Variants in ZZEF1 observed in about 807,000 individuals in gnomAD.
ZZEF1 encodes the protein zinc finger ZZ-type and EF-hand domain containing 1.
In ZZEF1, 157 loss-of-function variants were observed where a neutral mutation model predicts 342.8. That is an observed-to-expected ratio of 0.46 (90% CI 0.40 to 0.52). The LOEUF (loss-of-function observed/expected upper bound fraction) is 0.52. ZZEF1 is among the 20% of genes least tolerant of loss of function. The probability of loss-of-function intolerance (pLI) is 0.00; values close to 1 mark genes in which losing one functional copy is unlikely to be tolerated. For synonymous variants in ZZEF1, 1,505 were observed against 1,429.1 expected (o/e 1.05, Z -1.20); for missense variants, 3,480 against 3,725.6 (o/e 0.93, Z 1.72).
intron 39 of ZZEF1, among the ~76,000 whole-genome samples, chr17:4,035,751 C>G (rs186447811): frequency 1.3e-5 from 2 of 152,286 alleles, no homozygotes; most frequent in Non-Finnish European, 2.9e-5. Flanking sequence ...CAGCCTGTTG[C>G]GGGTGAGGGT....
At chr17:4,020,017 T>G (rs984327179) in intron 45 of ZZEF1, 15 of 400,180 alleles carry the variant, frequency 3.7e-5, no homozygotes, top group Non-Finnish European at 6.2e-5. Context: ...AAATATCCTG[T>G]CAACAAAATA....
chr17:4,071,817 G>A (rs1037309070), intron 25 of ZZEF1, among the ~76,000 whole-genome samples: 30 of 152,146 alleles, frequency 2.0e-4, no homozygotes, highest in Admixed American at 3.3e-4. Flanking sequence ...TACTTGGAGC[G>A]GGGAGAAAAC....
chr17:4,027,594 C>CTT (rs35210596), intron 42 of ZZEF1, among the ~76,000 whole-genome samples: 16,814 of 119,620 alleles, frequency 0.14, 1,464 homozygotes, highest in African/African-American at 0.2. Context: ...TGTGCCCTGC[C>CTT]TTTTTTTTTT....
Position 4,143,029 on chromosome 17 carries a change from C to T in ZZEF1, c.-134G>A, listed in dbSNP as rs2058897710. The T allele has an allele frequency of 1.2e-5, 15 of 1,276,804 alleles. No homozygotes were observed. The highest frequency in any genetic ancestry group is 1.5e-5 in the Non-Finnish European group (15 of 1,016,466). The allele number at this position is 1,276,804 out of a possible 1,614,324, so 79.1% of individuals were successfully genotyped here. A position where few individuals can be genotyped will look rare whatever the true frequency, so the allele number is the denominator to read the frequency against. Reference sequence around the variant, plus strand: ...GGCGGCCCCTGCGGCTTCCGGCTTCCTGGCCGTCAAGCGACGACCGCTGTC... The same window carrying T: ...GGCGGCCCCTGCGGCTTCCGGCTTCTTGGCCGTCAAGCGACGACCGCTGTC... On this transcript the variant is annotated 5_prime_UTR_variant, in exon 1 of 55. Transcript: ENST00000381638.
intron 45 of ZZEF1, among the ~76,000 whole-genome samples, chr17:4,020,317 T>C (rs2056236297): frequency 6.6e-6 from 1 of 152,232 alleles, no homozygotes; most frequent in Non-Finnish European, 1.5e-5. Flanking sequence ...GACATCATCA[T>C]TTTCTGTATT....
chr17:4,084,768 G>A (rs1193898125), intron 16 of ZZEF1, among the ~76,000 whole-genome samples: 1 of 152,144 alleles, frequency 6.6e-6, no homozygotes, highest in Non-Finnish European at 1.5e-5. Context: ...AATGTCTGAG[G>A]AACACGAAGA....
chr17:4,074,096 A>G lies in ZZEF1; in HGVS notation c.3685+54T>C, dbSNP rs1344151074. ...ACGACCTACAAGAGGGCAAGCGCGCATCTTGCACTTCACCGTGGTTGTAAG... is the reference window on the plus strand; with the variant it reads ...ACGACCTACAAGAGGGCAAGCGCGCGTCTTGCACTTCACCGTGGTTGTAAG... On this transcript the variant is annotated intron_variant, in intron 24 of 54. Transcript: ENST00000381638. 4 of 1,595,480 alleles carry G rather than the reference A, an allele frequency of 2.5e-6. No homozygotes were observed. In the African/African-American group the frequency reaches 5.4e-5, roughly 21 times the overall value.
intron 54 of ZZEF1, 102 bp from the exon 55 acceptor site, chr17:4,007,072 GGAGGGGAACCA>G: frequency 9.3e-7 from 1 of 1,079,222 alleles, no homozygotes; most frequent in South Asian, 1.6e-5. Context: ...TGGGGACGGA[GGAGGGGAACCA>G]GATGTGTTCC....
intron 39 of ZZEF1, among the ~76,000 whole-genome samples, chr17:4,036,870 G>A (rs913299289): frequency 2.0e-5 from 3 of 147,898 alleles, no homozygotes; most frequent in African/African-American, 7.5e-5. Context: ...CCCGCACTGG[G>A]AAGACTGGGG....
At chr17:4,071,669 G>A (rs547766640) in intron 25 of ZZEF1, among the ~76,000 whole-genome samples, 56 of 152,288 alleles carry the variant, frequency 3.7e-4, no homozygotes, top group African/African-American at 1.1e-3. Flanking sequence ...GTGAGGACAG[G>A]GGATGCTAGG....
intron 42 of ZZEF1, among the ~76,000 whole-genome samples, chr17:4,028,053 C>T (rs2056456762): frequency 6.6e-6 from 1 of 152,056 alleles, no homozygotes; most frequent in Admixed American, 6.6e-5. Flanking sequence ...AGTAGTGTAC[C>T]TTCAAATAAT....
intron 39 of ZZEF1, among the ~76,000 whole-genome samples, chr17:4,038,570 C>T (rs560225435): frequency 2.0e-5 from 3 of 151,916 alleles, no homozygotes; most frequent in Non-Finnish European, 4.4e-5. Flanking sequence ...TTTGGGAGGC[C>T]GAGGTGGGTG....
intron 40 of ZZEF1, 173 bp from the exon 41 acceptor site, chr17:4,033,175 A>C: frequency 1.6e-6 from 1 of 612,080 alleles, no homozygotes; most frequent in Middle Eastern, 4.6e-4. Context: ...AGCAAACAAA[A>C]TCAAGACTTG....
chr17:4,090,316 TC>T, intron 12 of ZZEF1, among the ~76,000 whole-genome samples: 3 of 134,428 alleles, frequency 2.2e-5, no homozygotes, highest in Admixed American at 2.2e-4. Flanking sequence ...GATGCTGTGT[TC>T]TCACTATTCT....
intron 38 of ZZEF1, 131 bp from the exon 39 acceptor site, chr17:4,042,699 TG>T: frequency 9.8e-7 from 1 of 1,021,708 alleles, no homozygotes; most frequent in Non-Finnish European, 1.4e-6. Context: ...TTTTTAAATT[TG>T]AGAGGGAGTC....
chr17:4,063,043 A>T (rs564967713), intron 29 of ZZEF1, 126 bp from the exon 30 acceptor site: 2 of 925,866 alleles, frequency 2.2e-6, no homozygotes, highest in Admixed American at 3.1e-5. Flanking sequence ...TATTAGAAAC[A>T]CCATGTAGGA....
chr17:4,058,237 G>A (rs770434119), intron 31 of ZZEF1, 82 bp from the exon 32 acceptor site: 1 of 1,442,874 alleles, frequency 6.9e-7, no homozygotes, highest in Non-Finnish European at 9.2e-7. Flanking sequence ...AGGTGACCTG[G>A]TTTGCAATTG....
chr17:4,085,676 G>A lies in ZZEF1; in HGVS notation c.2640C>T (p.Thr880=), dbSNP rs1383052881. ...NRQTRRNHLF[T]MMNVTEQEHK... The stretch of plus-strand genomic sequence containing the variant: ...GACTTTTAGTAATAATTACCATCAT[G>A]GTGAAGAGATGGTTCCGTCGGGTCT... Residue 880 remains threonine (T), a synonymous_variant, in exon 16 of 55, where the codon ACC becomes ACT. Coordinates refer to ENST00000381638, the MANE Select transcript of ZZEF1 (RefSeq NM_015113.4). 3 of 1,614,010 alleles carry A rather than the reference G, an allele frequency of 1.9e-6. No homozygotes were observed. The highest frequency in any genetic ancestry group is 2.2e-5 in the East Asian group (1 of 44,888).
intron 31 of ZZEF1, 66 bp downstream of exon 31, chr17:4,059,105 A>G (rs75116690): frequency 0.065 from 89,118 of 1,372,076 alleles, 3,481 homozygotes; most frequent in Admixed American, 0.13. Context: ...CAGTGAACAT[A>G]TATTTCTTTT....
Sources: gnomAD v4.1 joint callset for allele counts (sites outside exome capture counted in the v4.1 genomes callset) on GRCh38, gnomAD v4.1.1 for gene constraint, MANE v1.5 for transcripts, NCBI Gene and HGNC (gene_info 2026-07-23, HGNC 2026-07-21) for gene names.